DCDC1: variants seen among roughly 807,000 people sequenced by gnomAD.
DCDC1 encodes doublecortin domain-containing protein 1.
DCDC1 carries 200 observed loss-of-function variants against 178.3 expected under a neutral mutation model. That is an observed-to-expected ratio of 1.12 (90% CI 1.00 to 1.26). DCDC1 has a LOEUF of 1.26. Ranked by LOEUF, DCDC1 falls within the 50% of genes most tolerant of loss-of-function variation. The pLI is 0.00. For synonymous variants in DCDC1, 690 were observed against 604.8 expected, an observed-to-expected ratio of 1.14 and a Z score of -2.07; for missense variants, 1,983 against 1,749.2, an observed-to-expected ratio of 1.13 and a Z score of -2.38.
chr11:30,933,492 T>A (rs1401651178), intron 21 of DCDC1, among the ~76,000 whole-genome samples: 1 of 152,194 alleles, frequency 6.6e-6, no homozygotes, highest in Non-Finnish European at 1.5e-5. Flanking sequence ...TAATATTGCC[T>A]TCCTGGATAA....
chr11:30,922,071 G>C (rs1001897274), intron 24 of DCDC1, among the ~76,000 whole-genome samples: 4 of 152,166 alleles, frequency 2.6e-5, no homozygotes, highest in African/African-American at 9.7e-5. Context: ...AGTCACTCCA[G>C]TCATCGACTT....
chr11:30,902,703 G>T (rs917587088), intron 32 of DCDC1, among the ~76,000 whole-genome samples: 2 of 152,174 alleles, frequency 1.3e-5, no homozygotes, highest in Non-Finnish European at 1.5e-5. Flanking sequence ...GAGCTAGCAA[G>T]TGACAAAGCT....
intron 20 of DCDC1, among the ~76,000 whole-genome samples, chr11:31,063,802 A>C (rs1956098153): frequency 6.6e-6 from 1 of 152,160 alleles, no homozygotes; most frequent in Non-Finnish European, 1.5e-5. Context: ...TGGCTCCTTT[A>C]AGAGTATTTC....
chr11:31,254,725 A>T (rs183832766), intron 8 of DCDC1, among the ~76,000 whole-genome samples: 91 of 152,228 alleles, frequency 6.0e-4, no homozygotes, highest in Admixed American at 2.9e-3. Flanking sequence ...AGCTAGGGTG[A>T]CCTTGGCTGG....
chr11:30,906,823 C>T lies in DCDC1; in HGVS notation c.3919-98G>A, dbSNP rs533104101. On this transcript the variant is annotated intron_variant, in intron 29 of 38. Transcript: ENST00000684477. ...CAATATAAATATAGCACTTTTAACA[C>T]CCCAAAATGCTAAATTTAAATTTTA... The T allele has an allele frequency of 8.8e-5, 91 of 1,036,948 alleles. No individual in the cohort carries two copies. The African/African-American group carries it at 1.3e-3, about 15-fold the overall frequency. The allele number at this position is 1,036,948 out of a possible 1,614,324, so 64.2% of individuals were successfully genotyped here. A position where few individuals can be genotyped will look rare whatever the true frequency, so the allele number is the denominator to read the frequency against.
At chr11:31,306,186 T>G (rs777263429) in intron 5 of DCDC1, 46 bp downstream of exon 5, 1 of 1,414,978 alleles carries the variant, frequency 7.1e-7, no homozygotes, top group East Asian at 2.6e-5. Context: ...ATAAAGAGAG[T>G]AAGGGAAAAA....
chr11:31,134,368 G>A (rs1165629827), intron 10 of DCDC1, among the ~76,000 whole-genome samples: 1 of 152,152 alleles, frequency 6.6e-6, no homozygotes, highest in Non-Finnish European at 1.5e-5. Context: ...AATGTCTGAG[G>A]ATACTAAGGC....
intron 22 of DCDC1, among the ~76,000 whole-genome samples, chr11:30,926,482 G>C (rs750588211): frequency 6.6e-6 from 1 of 152,146 alleles, no homozygotes; most frequent in Admixed American, 6.5e-5. Context: ...GGAGAGGCTG[G>C]AGCCTAGACA....
chr11:31,072,998 A>G (rs1956661300), intron 18 of DCDC1, among the ~76,000 whole-genome samples: 1 of 152,150 alleles, frequency 6.6e-6, no homozygotes, highest in Admixed American at 6.5e-5. Context: ...AAAATAAATA[A>G]CATGAGCTCC....
chr11:30,924,617 A>G (rs1437173390), intron 23 of DCDC1, among the ~76,000 whole-genome samples: 1 of 152,208 alleles, frequency 6.6e-6, no homozygotes, highest in East Asian at 1.9e-4. Flanking sequence ...TGAAATTACC[A>G]TTTAGTAAAA....
At chr11:30,929,633 A>G (rs1946804806) in intron 22 of DCDC1, among the ~76,000 whole-genome samples, 1 of 152,074 alleles carries the variant, frequency 6.6e-6, no homozygotes, top group African/African-American at 2.4e-5. Context: ...CAGAGATCAT[A>G]ACTTACTAAT....
chr11:31,009,896 G>C (rs1437497842), intron 20 of DCDC1, among the ~76,000 whole-genome samples: 1 of 152,108 alleles, frequency 6.6e-6, no homozygotes, highest in African/African-American at 2.4e-5. Flanking sequence ...TTCACAAGGC[G>C]GCAGGACTGA....
intron 22 of DCDC1, among the ~76,000 whole-genome samples, chr11:30,925,794 A>G (rs777359728): frequency 6.6e-6 from 1 of 151,992 alleles, no homozygotes; most frequent in Non-Finnish European, 1.5e-5. Context: ...TCTTTCTCCT[A>G]CCTAAAAAAA....
intron 20 of DCDC1, among the ~76,000 whole-genome samples, chr11:31,044,985 GTTA>G (rs556972686): frequency 8.6e-4 from 131 of 152,076 alleles, no homozygotes; most frequent in Non-Finnish European, 1.4e-3. Flanking sequence ...TGAGAGAGAT[GTTA>G]TTATACTTTT....
intron 3 of DCDC1, among the ~76,000 whole-genome samples, chr11:31,323,351 T>C (rs1323738): frequency 0.71 from 107,880 of 152,134 alleles, 39,615 homozygotes; most frequent in African/African-American, 0.9. Context: ...TCGCTTCATA[T>C]TCGTGTTGCC....
intron 1 of DCDC1, among the ~76,000 whole-genome samples, chr11:31,357,552 A>G (rs976282411): frequency 1.3e-5 from 2 of 151,996 alleles, no homozygotes; most frequent in Non-Finnish European, 2.9e-5. Flanking sequence ...CTCTCTCACC[A>G]CTCCTATTCA....
At chr11:31,085,712 T>C (rs1957432713) in intron 17 of DCDC1, among the ~76,000 whole-genome samples, 1 of 151,908 alleles carries the variant, frequency 6.6e-6, no homozygotes, top group South Asian at 2.1e-4. Flanking sequence ...GATTGATTGA[T>C]TGATTGATTG....
At chr11:31,321,327 T>C (rs1371261867) in intron 3 of DCDC1, among the ~76,000 whole-genome samples, 1 of 122,382 alleles carries the variant, frequency 8.2e-6, no homozygotes, top group Non-Finnish European at 1.7e-5. Flanking sequence ...CGTAGGACCC[T>C]CTGAGCCAGG....
At chr11:30,868,242 C>CTTTTTT (rs35180579) in intron 38 of DCDC1, among the ~76,000 whole-genome samples, 2 of 61,074 alleles carry the variant, frequency 3.3e-5, no homozygotes, top group Non-Finnish European at 5.9e-5. Flanking sequence ...TTCATACCTG[C>CTTTTTT]TTTTTTTTTT....
Sources: gnomAD v4.1 joint callset for allele counts (sites outside exome capture counted in the v4.1 genomes callset) on GRCh38, gnomAD v4.1.1 for gene constraint, MANE v1.5 for transcripts, NCBI Gene and HGNC (gene_info 2026-07-23, HGNC 2026-07-21) for gene names.